Variants in OPRM1 observed in about 807,000 individuals in gnomAD.
OPRM1 encodes the protein mu-type opioid receptor.
OPRM1 carries 27 observed loss-of-function variants against 31.8 expected under a neutral mutation model. The ratio of observed to expected loss-of-function variants is 0.85; its 90% CI spans 0.63 to 1.17. OPRM1 has a LOEUF of 1.17. Among genes scored for constraint, OPRM1 ranks in the 50% most tolerant of loss-of-function variants. The pLI, the probability that OPRM1 is intolerant of heterozygous loss-of-function variation, is 0.00. For synonymous variants in OPRM1, 196 were observed against 189.9 expected, an observed-to-expected ratio of 1.03 and a Z score of -0.26; for missense variants, 536 against 511.1, an observed-to-expected ratio of 1.05 and a Z score of -0.47.
chr6:154,013,353 A>T (rs897969224), intron 1 of OPRM1, among the ~76,000 whole-genome samples: 6 of 152,132 alleles, frequency 3.9e-5, no homozygotes, highest in Non-Finnish European at 5.9e-5. Flanking sequence ...CCTGTGAGAG[A>T]GAGAATAAAC....
At chr6:154,095,784 T>C (rs1793270130) in intron 3 of OPRM1, among the ~76,000 whole-genome samples, 1 of 152,228 alleles carries the variant, frequency 6.6e-6, no homozygotes, top group Non-Finnish European at 1.5e-5. Flanking sequence ...GCTGTCTTTA[T>C]GACTTTTAGA....
intron 3 of OPRM1, among the ~76,000 whole-genome samples, chr6:154,161,640 C>T (rs1365166059): frequency 6.6e-6 from 1 of 152,136 alleles, no homozygotes. Context: ...TCCAATGATG[C>T]CCTCTGAGAA....
At position 154,107,880 on chromosome 6, in the gene OPRM1, C is replaced by T. The variant is rs536612872; in HGVS notation, c.1165-10803C>T. 1.1e-4 allele frequency: 75 copies of T among 679,850 alleles called. No homozygotes were observed. The East Asian group carries it at 1.7e-3, about 15-fold the overall frequency. 42.1% of individuals were successfully genotyped at this position (679,850 alleles called of 1,614,324 possible). A position where few individuals can be genotyped will look rare whatever the true frequency, so the allele number is the denominator to read the frequency against. The stretch of plus-strand genomic sequence containing the variant: ...AAAAACGACCTCATAACACAAAATA[C>T]ACCAGCTTAAAAATAGCCTTTGAAT... On this transcript the variant is annotated intron_variant, in intron 3 of 3. Transcript: ENST00000330432.
Position 154,183,183 on chromosome 6 carries a change from G to A in OPRM1, c.1165-63510G>A, listed in dbSNP as rs188691965. 3.6e-3 allele frequency among the ~76,000 whole-genome samples: 544 copies of A among 152,018 alleles called. 3 individuals are homozygous for A. The highest frequency in any genetic ancestry group is 0.013 in the African/African-American group (528 of 41,464). On this transcript the variant is annotated intron_variant, in intron 3 of 3. Transcript: ENST00000337049. ...TTTAGTAGAGACGGGGTTTCACTGT[G>A]TTAGCAAGGATGGTCTCGATCTCCT... is the stretch of plus-strand genomic sequence containing the variant.
At chr6:154,046,515 G>A (rs1005148364) in intron 1 of OPRM1, among the ~76,000 whole-genome samples, 1 of 152,170 alleles carries the variant, frequency 6.6e-6, no homozygotes, top group Non-Finnish European at 1.5e-5. Flanking sequence ...AACGTTAAGA[G>A]TATCTTGTGA....
intron 3 of OPRM1, chr6:154,159,927 A>C: frequency 1.2e-6 from 2 of 1,613,802 alleles, no homozygotes; most frequent in Non-Finnish European, 1.7e-6. Context: ...GCTGCTGCTG[A>C]TAGATGTCCT....
chr6:154,018,818 C>T (rs2128379656), intron 1 of OPRM1, among the ~76,000 whole-genome samples: 1 of 152,284 alleles, frequency 6.6e-6, no homozygotes, highest in South Asian at 2.1e-4. Context: ...GCCCACCTTC[C>T]TTATATCCAG....
At chr6:154,167,984 C>T (rs1456844228) in intron 3 of OPRM1, 10 of 1,610,924 alleles carry the variant, frequency 6.2e-6, no homozygotes, top group African/African-American at 1.3e-5. Context: ...ATTTTTACAC[C>T]GCTTAACAAA....
At chr6:154,010,643 C>A (rs1777677077) in exon 1 of OPRM1, 1 of 1,491,936 alleles carries the variant, frequency 6.7e-7, no homozygotes, top group Non-Finnish European at 9.0e-7. Flanking sequence ...AGTTTGCATC[C>A]TGAAAACTCA....
At chr6:154,070,632 G>A (rs986893124) in intron 1 of OPRM1, among the ~76,000 whole-genome samples, 12 of 151,982 alleles carry the variant, frequency 7.9e-5, no homozygotes, top group South Asian at 2.1e-4. Flanking sequence ...TAATATCTTC[G>A]CCACTTTACA....
At chr6:154,200,483 G>A (rs988972406) in intron 3 of OPRM1, among the ~76,000 whole-genome samples, 1 of 152,166 alleles carries the variant, frequency 6.6e-6, no homozygotes, top group Non-Finnish European at 1.5e-5. Context: ...CACTTTGGAA[G>A]ACCGAGACAG....
intron 3 of OPRM1, chr6:154,160,085 CTT>C: frequency 7.0e-7 from 1 of 1,426,770 alleles, no homozygotes; most frequent in East Asian, 2.3e-5. Flanking sequence ...TTGAGAGTGT[CTT>C]AATTTACATA....
intron 3 of OPRM1, among the ~76,000 whole-genome samples, chr6:154,170,911 C>T (rs1265923943): frequency 6.6e-6 from 1 of 152,150 alleles, no homozygotes; most frequent in Non-Finnish European, 1.5e-5. Flanking sequence ...TGGTCTATCA[C>T]CTGGGCTGGA....
chr6:154,222,207 A>G (rs914319618), intron 3 of OPRM1, among the ~76,000 whole-genome samples: 1 of 152,270 alleles, frequency 6.6e-6, no homozygotes, highest in South Asian at 2.1e-4. Context: ...ATAACAAATG[A>G]GAAGGGCTTC....
At chr6:154,239,006 T>A (rs945368994) in intron 3 of OPRM1, among the ~76,000 whole-genome samples, 1 of 152,098 alleles carries the variant, frequency 6.6e-6, no homozygotes, top group South Asian at 2.1e-4. Context: ...GGAAGCTGTA[T>A]CCCCTGAGTG....
intron 1 of OPRM1, among the ~76,000 whole-genome samples, chr6:154,078,948 A>G (rs1788464801): frequency 6.6e-6 from 1 of 152,260 alleles, no homozygotes; most frequent in African/African-American, 2.4e-5. Context: ...TAGATTAGAA[A>G]ATAAAAGCTG....
intron 1 of OPRM1, among the ~76,000 whole-genome samples, chr6:154,045,343 A>C (rs1022107487): frequency 6.6e-6 from 1 of 152,240 alleles, no homozygotes; most frequent in Non-Finnish European, 1.5e-5. Context: ...TTTAATGTTT[A>C]TCTGACTGAA....
Position 154,039,575 on chromosome 6 carries a change from A to G in OPRM1, c.31A>G (p.Ser11Gly), listed in dbSNP as rs1779600996. The G allele has an allele frequency of 1.4e-5, 22 of 1,613,358 alleles. No homozygotes were observed. Among genetic ancestry groups the G allele is most frequent in the East Asian group, 2.2e-5 (1 of 44,862 alleles). Residue 11 changes from serine (S) to glycine (G), a missense_variant, in exon 1 of 4, where the codon AGC (serine) becomes GGC (glycine). Coordinates refer to ENST00000330432, the MANE Select transcript of OPRM1 (RefSeq NM_000914.5). MDSSAAPTNA[S>G]NCTDALAYSS... Reference sequence around the variant, plus strand: ...CAGCAGCGCTGCCCCCACGAACGCCAGCAATTGCACTGATGCCTTGGCGTA... The same window carrying G: ...CAGCAGCGCTGCCCCCACGAACGCCGGCAATTGCACTGATGCCTTGGCGTA...
intron 1 of OPRM1, among the ~76,000 whole-genome samples, chr6:154,071,176 G>A (rs1786636370): frequency 6.6e-6 from 1 of 152,200 alleles, no homozygotes; most frequent in South Asian, 2.1e-4. Flanking sequence ...AGATCATGGT[G>A]AAGATCCAGC....
Sources: gnomAD v4.1 joint callset for allele counts (sites outside exome capture counted in the v4.1 genomes callset) on GRCh38, gnomAD v4.1.1 for gene constraint, MANE v1.5 for transcripts, NCBI Gene and HGNC (gene_info 2026-07-23, HGNC 2026-07-21) for gene names.